CACNB2: variants seen among roughly 807,000 people sequenced by gnomAD.
The protein encoded by CACNB2 is voltage-dependent L-type calcium channel subunit beta-2.
CACNB2 carries 42 observed loss-of-function variants against 73.3 expected under a neutral mutation model. The ratio of observed to expected loss-of-function variants is 0.57; its 90% CI spans 0.45 to 0.74. The LOEUF is 0.74. Ranked by LOEUF, CACNB2 falls within the 30% of genes least tolerant of loss-of-function variation. The pLI, the probability that CACNB2 is intolerant of heterozygous loss-of-function variation, is 0.00. For missense variants in CACNB2, 940 were observed against 853.0 expected, an observed-to-expected ratio of 1.10 and a Z score of -1.27; for synonymous variants, 348 against 310.3, an observed-to-expected ratio of 1.12 and a Z score of -1.28.
At chr10:18,379,216 A>T (rs1389921204) in intron 2 of CACNB2, among the ~76,000 whole-genome samples, 1 of 151,938 alleles carries the variant, frequency 6.6e-6, no homozygotes, top group Non-Finnish European at 1.5e-5. Context: ...TTATTTATTT[A>T]TTTTTTGTTT....
intron 3 of CACNB2, among the ~76,000 whole-genome samples, chr10:18,423,790 T>A (rs1288701618): frequency 5.3e-5 from 8 of 152,170 alleles, no homozygotes; most frequent in Non-Finnish European, 1.2e-4. Flanking sequence ...TTTTGTAATA[T>A]GGGAATACAG....
chr10:18,389,426 A>T (rs140050889), intron 2 of CACNB2, among the ~76,000 whole-genome samples: 5 of 152,334 alleles, frequency 3.3e-5, no homozygotes, highest in African/African-American at 9.6e-5. Flanking sequence ...GGCATGAGTC[A>T]CTGTGCCTTG....
intron 2 of CACNB2, among the ~76,000 whole-genome samples, chr10:18,184,342 T>C (rs1779227): frequency 0.72 from 108,814 of 152,038 alleles, 39,007 homozygotes; most frequent in East Asian, 0.82. Context: ...AAATGCTTTT[T>C]GTAATTTACT....
rs1033594245 is a variant in CACNB2 at position 18,543,258 on chromosome 10, C to G, written c.*3534C>G. 5.9e-4 allele frequency: 89 copies of G among 152,064 alleles called. No homozygotes were observed. Among genetic ancestry groups the G allele is most frequent in the African/African-American group, 1.4e-3 (58 of 41,474 alleles). The allele number at this position is 152,064 out of a possible 1,614,324, so 9.4% of individuals were successfully genotyped here. The stretch of plus-strand genomic sequence containing the variant: ...ATCTTTCTTGGGGCAATGCTAAATA[C>G]TTTATGTTCCTTTAGTAATCTTCCT... On this transcript the variant is annotated 3_prime_UTR_variant, in exon 14 of 14. Coordinates refer to ENST00000324631, the MANE Select transcript of CACNB2 (RefSeq NM_201596.3).
At chr10:18,398,330 G>A (rs2043816420) in intron 2 of CACNB2, among the ~76,000 whole-genome samples, 1 of 152,076 alleles carries the variant, frequency 6.6e-6, no homozygotes, top group African/African-American at 2.4e-5. Flanking sequence ...ATCGTTATTT[G>A]TGTGTCTTTC....
intron 2 of CACNB2, among the ~76,000 whole-genome samples, chr10:18,180,842 T>G (rs2033835588): frequency 6.6e-6 from 1 of 151,930 alleles, no homozygotes; most frequent in Non-Finnish European, 1.5e-5. Context: ...GGCACATGCC[T>G]GTAATCCCAG....
At chr10:18,363,558 C>T (rs1319736951) in intron 2 of CACNB2, among the ~76,000 whole-genome samples, 3 of 152,130 alleles carry the variant, frequency 2.0e-5, no homozygotes, top group Non-Finnish European at 4.4e-5. Flanking sequence ...ATGAAACTAC[C>T]AGTACCTTCC....
chr10:18,228,582 C>G (rs2036106263), intron 2 of CACNB2, among the ~76,000 whole-genome samples: 1 of 152,018 alleles, frequency 6.6e-6, no homozygotes. Flanking sequence ...GTATTTGAAT[C>G]CAGGTCTTTC....
chr10:18,159,481 T>C (rs2032301528), intron 2 of CACNB2, among the ~76,000 whole-genome samples: 1 of 152,206 alleles, frequency 6.6e-6, no homozygotes, highest in Non-Finnish European at 1.5e-5. Flanking sequence ...AATTATCCTG[T>C]AGCTTCTAAC....
intron 3 of CACNB2, among the ~76,000 whole-genome samples, chr10:18,474,522 A>G (rs74396984): frequency 6.6e-6 from 1 of 152,194 alleles, no homozygotes; most frequent in East Asian, 1.9e-4. Flanking sequence ...GGAGATGCCA[A>G]TTCCCCAACT....
chr10:18,436,989 A>T (rs1406502654), intron 3 of CACNB2, among the ~76,000 whole-genome samples: 1 of 152,218 alleles, frequency 6.6e-6, no homozygotes, highest in Non-Finnish European at 1.5e-5. Flanking sequence ...CTTGCTGGAG[A>T]TACATGGGCC....
chr10:18,389,669 T>C (rs1452112944), intron 2 of CACNB2, among the ~76,000 whole-genome samples: 1 of 152,186 alleles, frequency 6.6e-6, no homozygotes, highest in Non-Finnish European at 1.5e-5. Context: ...ATAGCCTAGG[T>C]ACATCTAAAT....
chr10:18,429,827 C>A (rs200599280), intron 3 of CACNB2, among the ~76,000 whole-genome samples: 1,509 of 103,058 alleles, frequency 0.015, 58 homozygotes, highest in South Asian at 0.14. Flanking sequence ...AAAAAAAAAA[C>A]AAATTAACCA....
intron 2 of CACNB2, among the ~76,000 whole-genome samples, chr10:18,359,870 T>G (rs2042074310): frequency 6.6e-6 from 1 of 152,158 alleles, no homozygotes. Context: ...TAAGATTAAC[T>G]TTTATGCTTA....
chr10:18,494,290 G>A (rs1051806564), intron 3 of CACNB2, among the ~76,000 whole-genome samples: 1 of 152,096 alleles, frequency 6.6e-6, no homozygotes, highest in Admixed American at 6.6e-5. Flanking sequence ...TTACATTGAT[G>A]AAAAACTATA....
At position 18,241,142 on chromosome 10, in the gene CACNB2, C is replaced by T. The variant is rs77776782; in HGVS notation, c.213+90167C>T. Reference sequence around the variant, plus strand: ...CCAGACTAAACTCGTGTTCATCTTACATATATTGATTGATGTCTTGTGTCT... The same window carrying T: ...CCAGACTAAACTCGTGTTCATCTTATATATATTGATTGATGTCTTGTGTCT... On this transcript the variant is annotated intron_variant, in intron 2 of 13. Transcript: ENST00000324631. 3.7e-3 allele frequency among the ~76,000 whole-genome samples: 567 copies of T among 152,220 alleles called. 5 individuals carry two copies. The highest frequency in any genetic ancestry group is 0.013 in the African/African-American group (546 of 41,542).
intron 1 of CACNB2, chr10:18,141,241 C>A (rs2030363852): frequency 2.2e-6 from 3 of 1,372,988 alleles, no homozygotes; most frequent in African/African-American, 1.4e-5. Flanking sequence ...CGGGAGGGGG[C>A]CCGCTTCCCG....
chr10:18,517,282 T>C (rs1002018760), intron 7 of CACNB2, among the ~76,000 whole-genome samples: 20 of 152,268 alleles, frequency 1.3e-4, no homozygotes, highest in Admixed American at 4.6e-4. Context: ...ATCACTCTTA[T>C]GCATTTTTTT....
In CACNB2 at chr10:18,357,568, A is replaced by G. The variant is rs376915293; in HGVS notation, c.214-44356A>G. Among the ~76,000 whole-genome samples, 88 of 152,180 alleles carry G rather than the reference A, an allele frequency of 5.8e-4. 1 individual carries two copies. The highest frequency in any genetic ancestry group is 1.1e-3 in the Non-Finnish European group (73 of 68,036). ...TTGGTAAAGTTCCAAACAAAGTACA[A>G]TCTTTCATTGATTGTCACAGTACTT... On this transcript the variant is annotated intron_variant, in intron 2 of 13. Transcript: ENST00000324631.
Sources: allele counts gnomAD v4.1 joint callset (sites outside exome capture counted in the v4.1 genomes callset), GRCh38; gene constraint gnomAD v4.1.1; transcripts MANE v1.5; gene names NCBI Gene and HGNC (gene_info 2026-07-23, HGNC 2026-07-21).